ABCC6: variants seen among roughly 807,000 people sequenced by gnomAD.
The protein encoded by ABCC6 is ATP-binding cassette sub-family C member 6.
ABCC6 carries 126 observed loss-of-function variants against 169.5 expected under a neutral mutation model. That is an observed-to-expected ratio of 0.74 (90% CI 0.64 to 0.86). The LOEUF (loss-of-function observed/expected upper bound fraction) is 0.86, where lower values mean the gene tolerates loss of function less well. Ranked by LOEUF, ABCC6 falls within the 40% of genes least tolerant of loss-of-function variation. The pLI is 0.00. For synonymous variants in ABCC6, 752 were observed against 814.7 expected, an observed-to-expected ratio of 0.92 and a Z score of 1.31; for missense variants, 1,733 against 1,927.2, an observed-to-expected ratio of 0.90 and a Z score of 1.89.
intron 10 of ABCC6, 87 bp downstream of exon 10, chr16:16,197,934 G>A (rs2152278012): frequency 7.0e-7 from 1 of 1,432,756 alleles, no homozygotes; most frequent in Non-Finnish European, 9.6e-7. Context: ...TAAGTCAGGA[G>A]GAGGAAGGGT....
chr16:16,154,580 C>T, intron 29 of ABCC6, 48 bp downstream of exon 29: 2 of 1,607,766 alleles, frequency 1.2e-6, no homozygotes, highest in East Asian at 4.5e-5. Flanking sequence ...GCATGGCCAT[C>T]CCCTCCTCTC....
chr16:16,187,152 A>G lies in ABCC6; in HGVS notation c.1839T>C (p.Gly613=). 1.2e-6 allele frequency: 2 copies of G among 1,613,564 alleles called. No individual in the cohort carries two copies. The highest frequency in any genetic ancestry group is 1.7e-6 in the Non-Finnish European group (2 of 1,179,730). Residue 613 remains glycine, a synonymous_variant, in exon 14 of 31, where the codon GGT becomes GGC. Coordinates refer to ENST00000205557, the MANE Select transcript of ABCC6 (RefSeq NM_001171.6). ...TFLCLEEVDP[G]VVDSSSSGSA... ...TTCCAGAGGAACTTGAGTCTACGAC[A>G]CCAGGGTCAACTTCTTCCAGGCAGA...
At chr16:16,152,222 A>G (rs8057863) in intron 29 of ABCC6, among the ~76,000 whole-genome samples, 41,442 of 130,628 alleles carry the variant, frequency 0.32, 6,987 homozygotes, top group East Asian at 0.52. Flanking sequence ...AAAAGTGTGT[A>G]GGCTTGTCAC....
chr16:16,192,212 C>T (rs550038862), intron 11 of ABCC6, among the ~76,000 whole-genome samples: 5 of 151,854 alleles, frequency 3.3e-5, no homozygotes, highest in Non-Finnish European at 4.4e-5. Context: ...TGTGTGAGAT[C>T]GGGCAGGTTT....
chr16:16,190,793 T>G (rs1462220067), intron 11 of ABCC6, among the ~76,000 whole-genome samples: 2 of 150,304 alleles, frequency 1.3e-5, no homozygotes, highest in East Asian at 3.9e-4. Flanking sequence ...CTCAGCCTCC[T>G]AAAATGCTGG....
In ABCC6 at chr16:16,149,925, G is replaced by T; in HGVS notation, c.*208C>A. ...GGGTGGACAGGGCGAGATGGGCCCT[G>T]CCCGGGCAGACCTGTGTATTGCTAG... On this transcript the variant is annotated 3_prime_UTR_variant, in exon 31 of 31. Coordinates refer to ENST00000205557, the MANE Select transcript of ABCC6 (RefSeq NM_001171.6). 1.4e-6 allele frequency: 1 copy of T among 728,342 alleles called. No individual in the cohort carries two copies. 45.1% of individuals were successfully genotyped at this position (728,342 alleles called of 1,614,324 possible). A position where few individuals can be genotyped will look rare whatever the true frequency, so the allele number is the denominator to read the frequency against.
chr16:16,193,159 A>G (rs1456914649), intron 10 of ABCC6, among the ~76,000 whole-genome samples: 1 of 152,166 alleles, frequency 6.6e-6, no homozygotes, highest in Non-Finnish European at 1.5e-5. Context: ...GAAGGCGGCC[A>G]AATCCCACCA....
At chr16:16,171,963 G>GGTGGGAGGGATGGATAAATGA (rs2047097187) in intron 21 of ABCC6, among the ~76,000 whole-genome samples, 3 of 127,868 alleles carry the variant, frequency 2.3e-5, no homozygotes, top group Non-Finnish European at 5.0e-5. Context: ...TGAGTGGTTG[G>GGTGGGAGGGATGGATAAATGA]GTGGGTGGGA....
At chr16:16,192,739 C>T in intron 11 of ABCC6, 91 bp downstream of exon 11, 1 of 1,227,804 alleles carries the variant, frequency 8.1e-7, no homozygotes, top group Non-Finnish European at 1.2e-6. Flanking sequence ...CGTGGGCTCG[C>T]ACTCAGCTCT....
At position 16,187,222 on chromosome 16, in the gene ABCC6, C is replaced by T. The variant is rs532189625; in HGVS notation, c.1780-11G>A. On this transcript the variant is annotated splice_polypyrimidine_tract_variant and intron_variant, in intron 13 of 30. Transcript: ENST00000205557. ...AAAGGACACCCGGGCCTAGGAAAAC[C>T]GAAGCCGCAGGTCACCCAGCAAGAA... 1.6e-5 allele frequency: 25 copies of T among 1,611,476 alleles called. No individual in the cohort carries two copies. The highest frequency in any genetic ancestry group is 5.5e-5 in the South Asian group (5 of 90,720).
rs1173994952 is a variant in ABCC6, at chr16:16,159,548, C to T, written c.3669G>A (p.Trp1223Ter). ...TQTLQWVVRN[W>*]TDLENSIVSV... The stretch of plus-strand genomic sequence containing the variant: ...ACACGATGCTGTTCTCTAGGTCTGT[C>T]CAGTTGCGAACAACCCACTGCAGTG... Residue 1223 changes from tryptophan (W) to a stop codon, truncating the protein, a stop_gained, in exon 26 of 31, where the codon TGG becomes TGA. Coordinates refer to ENST00000205557, the MANE Select transcript of ABCC6 (RefSeq NM_001171.6). LOFTEE classifies it high-confidence loss of function. The T allele has an allele frequency of 1.2e-6, 2 of 1,614,036 alleles. No homozygotes were observed. Among genetic ancestry groups the T allele is most frequent in the African/African-American group, 2.7e-5 (2 of 74,916 alleles).
In ABCC6 at chr16:16,190,228, G is replaced by GCGCC; in HGVS notation, c.1567_1570dup (p.Ala524GlyfsTer77). On this transcript the variant is annotated frameshift_variant, in exon 12 of 31. Coordinates refer to ENST00000205557, the MANE Select transcript of ABCC6 (RefSeq NM_001171.6). LOFTEE classifies it high-confidence loss of function. ...GAAGAGGAGGCCGGAGGTCCGCAAGGCGCCCAGCTCCTGGCCTCGGATGCC... is the reference window on the plus strand; with the variant it reads ...GAAGAGGAGGCCGGAGGTCCGCAAGGCGCCCGCCCAGCTCCTGGCCTCGGATGCC... 1.2e-6 allele frequency: 2 copies of GCGCC among 1,614,072 alleles called. No individual in the cohort carries two copies. The highest frequency in any genetic ancestry group is 1.7e-6 in the Non-Finnish European group (2 of 1,180,022).
At chr16:16,165,974 C>T in intron 22 of ABCC6, 41 bp from the exon 23 acceptor site, 1 of 1,601,846 alleles carries the variant, frequency 6.2e-7, no homozygotes, top group Non-Finnish European at 8.5e-7. Context: ...GGCTGGAGAC[C>T]CTCAGGAGCG....
At chr16:16,191,323 C>T (rs1013926226) in intron 11 of ABCC6, among the ~76,000 whole-genome samples, 1 of 152,120 alleles carries the variant, frequency 6.6e-6, no homozygotes, top group African/African-American at 2.4e-5. Context: ...GCCATGTTGG[C>T]CAGGCTGGTT....
intron 9 of ABCC6, among the ~76,000 whole-genome samples, chr16:16,198,851 G>A (rs147873329): frequency 0.052 from 7,837 of 151,852 alleles, 401 homozygotes; most frequent in East Asian, 0.25. Flanking sequence ...AAAATTAGCT[G>A]GGCATGGTGG....
At position 16,150,665 on chromosome 16, in the gene ABCC6, T is replaced by C. The variant is rs1449802941; in HGVS notation, c.4316A>G (p.Gln1439Arg). The C allele has an allele frequency of 6.2e-7, 1 of 1,613,584 alleles. No individual in the cohort carries two copies. The highest frequency in any genetic ancestry group is 8.5e-7 in the Non-Finnish European group (1 of 1,179,914). The change falls in exon 30 of 31, where the codon CAG (glutamine) becomes CGG (arginine). Residue 1439 changes from glutamine to arginine, a missense_variant. By Grantham distance (43) the Gln-to-Arg change is conservative. This residue lies in a region of ABCC6 where 1,601 missense variants were observed against 1,635.5 expected (regional missense o/e 0.98). Transcript: ENST00000205557. The part of the protein sequence containing the change: ...TAAVDPGTEL[Q>R]MQAMLGSWFA... ...CCAGCTCCCGAGCATGGCCTGCATC[T>C]GCAGCTCCGTGCCAGGGTCCACGGC...
intron 15 of ABCC6, chr16:16,184,071 C>T (rs544262433): frequency 5.8e-5 from 10 of 171,848 alleles, no homozygotes; most frequent in Non-Finnish European, 1.3e-4. Flanking sequence ...TGGTAGCATG[C>T]GCCTGTAATC....
intron 20 of ABCC6, 151 bp from the exon 21 acceptor site, chr16:16,173,555 A>G (rs1348716763): frequency 5.0e-6 from 5 of 999,192 alleles, no homozygotes; most frequent in Admixed American, 1.9e-5. Flanking sequence ...TACTGACCAG[A>G]TATCACACTT....
At chr16:16,179,520 G>A (rs368782433) in intron 17 of ABCC6, among the ~76,000 whole-genome samples, 1 of 152,092 alleles carries the variant, frequency 6.6e-6, no homozygotes, top group Non-Finnish European at 1.5e-5. Flanking sequence ...GGGATGGCCC[G>A]GGGGATGGTT....
Sources: gnomAD v4.1 joint callset for allele counts (sites outside exome capture counted in the v4.1 genomes callset) on GRCh38, gnomAD v4.1.1 for gene constraint, gnomAD v4.1.1 regional missense constraint, MANE v1.5 for transcripts, NCBI Gene and HGNC (gene_info 2026-07-23, HGNC 2026-07-21) for gene names.